LRRFIP1: variants seen among roughly 807,000 people sequenced by gnomAD.
LRRFIP1 encodes leucine-rich repeat flightless-interacting protein 1.
Under a neutral mutation model 104.4 loss-of-function variants are expected in LRRFIP1, and 62 were observed. The observed-to-expected ratio is 0.59, with a 90% confidence interval of 0.48 to 0.73. The LOEUF is 0.73. LRRFIP1 is among the 30% of genes least tolerant of loss of function. The pLI, the probability that LRRFIP1 is intolerant of heterozygous loss-of-function variation, is 0.00. For synonymous variants in LRRFIP1, 300 were observed against 299.0 expected, an observed-to-expected ratio of 1.00 and a Z score of -0.03; for missense variants, 796 against 824.5, an observed-to-expected ratio of 0.97 and a Z score of 0.42.
At chr2:237,673,151 C>T (rs2090596733) in intron 1 of LRRFIP1, among the ~76,000 whole-genome samples, 2 of 152,228 alleles carry the variant, frequency 1.3e-5, no homozygotes, top group Admixed American at 1.3e-4. Flanking sequence ...ATTACAAATA[C>T]CGTTGCATCT....
At chr2:237,683,028 C>T (rs116419428) in intron 1 of LRRFIP1, among the ~76,000 whole-genome samples, 124 of 152,318 alleles carry the variant, frequency 8.1e-4, no homozygotes, top group African/African-American at 2.8e-3. Flanking sequence ...GCGCTGCCAG[C>T]ATCTGGTGGG....
At chr2:237,668,577 C>T (rs1290066776) in intron 1 of LRRFIP1, among the ~76,000 whole-genome samples, 2 of 152,142 alleles carry the variant, frequency 1.3e-5, no homozygotes, top group African/African-American at 4.8e-5. Context: ...TCCAGTTGTA[C>T]CGAGCTACTG....
chr2:237,732,537 A>G (rs1021365770), intron 8 of LRRFIP1, among the ~76,000 whole-genome samples: 5 of 152,252 alleles, frequency 3.3e-5, no homozygotes, highest in African/African-American at 1.2e-4. Flanking sequence ...AAGCTTAGCA[A>G]CTGTTTTAAT....
chr2:237,761,895 A>G (rs143215642), intron 19 of LRRFIP1, among the ~76,000 whole-genome samples: 33 of 152,292 alleles, frequency 2.2e-4, no homozygotes, highest in African/African-American at 7.5e-4. Context: ...TAGACGATGA[A>G]TAATTTATCA....
chr2:237,695,224 CT>C (rs1479249238), intron 1 of LRRFIP1, among the ~76,000 whole-genome samples: 2 of 152,154 alleles, frequency 1.3e-5, no homozygotes, highest in Non-Finnish European at 2.9e-5. Context: ...CTAAATTTCC[CT>C]TTTTCTTTAA....
intron 2 of LRRFIP1, among the ~76,000 whole-genome samples, chr2:237,710,547 A>G (rs528226000): frequency 1.4e-4 from 21 of 152,284 alleles, no homozygotes; most frequent in Admixed American, 5.2e-4. Context: ...TCAGCCTCCC[A>G]AAGTGTTGGG....
chr2:237,746,266 C>T (rs1277686343), intron 11 of LRRFIP1, among the ~76,000 whole-genome samples: 2 of 152,108 alleles, frequency 1.3e-5, no homozygotes, highest in Non-Finnish European at 2.9e-5. Context: ...GCCGTGTTGG[C>T]CAGGTTGGTC....
intron 1 of LRRFIP1, among the ~76,000 whole-genome samples, chr2:237,699,705 C>G (rs1017572380): frequency 1.3e-5 from 2 of 152,226 alleles, no homozygotes; most frequent in Non-Finnish European, 2.9e-5. Flanking sequence ...TTCTTCCCAT[C>G]GCAGGCGTGT....
chr2:237,753,608 C>G, intron 15 of LRRFIP1, 129 bp downstream of exon 15: 1 of 661,622 alleles, frequency 1.5e-6, no homozygotes, highest in Non-Finnish European at 2.4e-6. Context: ...CCAGCCTGGG[C>G]AACATGGCGA....
chr2:237,655,102 C>CTTTTTTTTT (rs1170742860), intron 1 of LRRFIP1, among the ~76,000 whole-genome samples: 3 of 58,244 alleles, frequency 5.2e-5, no homozygotes, highest in African/African-American at 2.4e-4. Context: ...GATCTCACTT[C>CTTTTTTTTT]TTTTTTTTTT....
intron 1 of LRRFIP1, 75 bp downstream of exon 1, chr2:237,627,815 C>G: frequency 1.0e-6 from 1 of 956,772 alleles, no homozygotes; most frequent in Non-Finnish European, 1.3e-6. Context: ...GTCTCTCCGG[C>G]GTCCGTCTGT....
intron 10 of LRRFIP1, among the ~76,000 whole-genome samples, chr2:237,738,623 C>T (rs917681595): frequency 4.6e-5 from 7 of 152,198 alleles, no homozygotes; most frequent in African/African-American, 1.7e-4. Context: ...GTTACAAGGG[C>T]GTAGCTTCCA....
intron 7 of LRRFIP1, among the ~76,000 whole-genome samples, chr2:237,724,565 C>T (rs540260309): frequency 7.9e-5 from 12 of 152,236 alleles, no homozygotes; most frequent in African/African-American, 2.2e-4. Flanking sequence ...ATTCAGAAAG[C>T]GCTCTTCACA....
chr2:237,643,942 G>T (rs2084451311), intron 1 of LRRFIP1, among the ~76,000 whole-genome samples: 1 of 152,186 alleles, frequency 6.6e-6, no homozygotes, highest in Non-Finnish European at 1.5e-5. Flanking sequence ...CTTCACTCTG[G>T]CCAGGGTGGT....
At chr2:237,748,227 T>G (rs2304430) in intron 11 of LRRFIP1, 137 bp from the exon 12 acceptor site, 69,197 of 706,138 alleles carry the variant, frequency 0.098, 4,434 homozygotes, top group African/African-American at 0.22. Context: ...AAATTTGGAG[T>G]GTCCCATTTT....
chr2:237,690,724 G>A (rs1364697265), intron 1 of LRRFIP1, among the ~76,000 whole-genome samples: 6 of 140,980 alleles, frequency 4.3e-5, no homozygotes, highest in Non-Finnish European at 7.5e-5. Context: ...GCGACAGAGC[G>A]AGACTCCATC....
chr2:237,649,585 A>G lies in LRRFIP1; in HGVS notation c.96+21845A>G, dbSNP rs2085558429. ...CAATTGTGGGTCAGCCTGAGGGCAC[A>G]CCCAATATAACTTTCACAGGTGTTT... On this transcript the variant is annotated intron_variant, in intron 1 of 23. Transcript: ENST00000308482. The surrounding 1 kb of genome is among the most constrained non-coding windows in gnomAD (Gnocchi z 4.1). Among the ~76,000 whole-genome samples the G allele has an allele frequency of 6.6e-6, 1 of 152,010 alleles. No homozygotes were observed. The highest frequency in any genetic ancestry group is 1.5e-5 in the Non-Finnish European group (1 of 67,956).
chr2:237,750,111 G>C (rs1207606547), intron 13 of LRRFIP1, among the ~76,000 whole-genome samples: 1 of 152,136 alleles, frequency 6.6e-6, no homozygotes, highest in Non-Finnish European at 1.5e-5. Flanking sequence ...CACTGGGGAT[G>C]TCTGAGCAGC....
At position 237,641,147 on chromosome 2, in the gene LRRFIP1, A is replaced by G. The variant is rs62183612; in HGVS notation, c.96+13407A>G. ...TCCCAGCACTTTGGGAGGCTGAGGC[A>G]GGAGGATTGCTTGAACCTAGGAGTT... On this transcript the variant is annotated intron_variant, in intron 1 of 23. Coordinates refer to ENST00000308482, the MANE Select transcript of LRRFIP1 (RefSeq NM_001137550.2). Among the ~76,000 whole-genome samples, 837 of 151,818 alleles carry G rather than the reference A, an allele frequency of 5.5e-3. 2 individuals are homozygous for G. The highest frequency in any genetic ancestry group is 7.1e-3 in the Non-Finnish European group (479 of 67,930).
Sources: allele counts gnomAD v4.1 joint callset (sites outside exome capture counted in the v4.1 genomes callset), GRCh38; gene constraint gnomAD v4.1.1; non-coding constraint Gnocchi (gnomAD v3.1); transcripts MANE v1.5; gene names NCBI Gene and HGNC (gene_info 2026-07-23, HGNC 2026-07-21).